MICAL3: variants seen among roughly 807,000 people sequenced by gnomAD.
The protein encoded by MICAL3 is [F-actin]-monooxygenase MICAL3.
Under a neutral mutation model 207.4 loss-of-function variants are expected in MICAL3, and 62 were observed. The ratio of observed to expected loss-of-function variants is 0.30; its 90% CI spans 0.24 to 0.37. The LOEUF is 0.37. Among genes scored for constraint, MICAL3 ranks in the 10% least tolerant of loss-of-function variants. MICAL3 has a pLI of 1.00. For missense variants in MICAL3, 2,368 were observed against 2,635.6 expected, an observed-to-expected ratio of 0.90 and a Z score of 2.22; for synonymous variants, 1,077 against 1,069.3, an observed-to-expected ratio of 1.01 and a Z score of -0.14.
chr22:17,970,432 CCA>C (rs370574886), intron 1 of MICAL3, among the ~76,000 whole-genome samples: 11 of 152,290 alleles, frequency 7.2e-5, no homozygotes, highest in African/African-American at 2.4e-4. Context: ...GCCGCAGGGC[CCA>C]CTGGTTGGAG....
chr22:17,876,796 AAGTTATG>A (rs1928467495), intron 16 of MICAL3: 5 of 120,072 alleles, frequency 4.2e-5, no homozygotes, highest in African/African-American at 1.9e-4. Context: ...GAGGTTAGGG[AAGTTATG>A]GAGGTTAGGG....
chr22:17,928,602 CG>C (rs1312490309), intron 1 of MICAL3, among the ~76,000 whole-genome samples: 1 of 152,150 alleles, frequency 6.6e-6, no homozygotes, highest in Non-Finnish European at 1.5e-5. Flanking sequence ...GCCAACTTTA[CG>C]TAATGCAGTA....
intron 1 of MICAL3, among the ~76,000 whole-genome samples, chr22:17,976,591 T>A (rs868842610): frequency 2.7e-3 from 280 of 102,038 alleles, no homozygotes; most frequent in South Asian, 9.2e-3. Flanking sequence ...ATATATATAT[T>A]TTTTTTTTTT....
At chr22:17,864,795 G>A (rs758066088) in intron 19 of MICAL3, 104 bp downstream of exon 19, 22 of 1,613,822 alleles carry the variant, frequency 1.4e-5, no homozygotes, top group East Asian at 2.2e-5. Flanking sequence ...CTTGTTGCCC[G>A]AATGAAGAAA....
chr22:18,017,633 T>G (rs937467370), intron 1 of MICAL3, among the ~76,000 whole-genome samples: 1 of 151,838 alleles, frequency 6.6e-6, no homozygotes, highest in Non-Finnish European at 1.5e-5. Context: ...TCACCTGGGC[T>G]GGAGTACAGT....
At chr22:17,915,868 G>T (rs944942293) in intron 1 of MICAL3, among the ~76,000 whole-genome samples, 29 of 151,734 alleles carry the variant, frequency 1.9e-4, no homozygotes, top group African/African-American at 6.5e-4. Context: ...GAAGCAGGAG[G>T]ATTGCTTCAG....
At chr22:18,001,366 G>A (rs1922994869) in intron 1 of MICAL3, 1 of 152,272 alleles carries the variant, frequency 6.6e-6, no homozygotes, top group South Asian at 2.1e-4. Flanking sequence ...GTTGGCGCGG[G>A]TCGGAGTCCC....
chr22:17,834,156 C>T (rs535768836), intron 20 of MICAL3, among the ~76,000 whole-genome samples: 1 of 152,186 alleles, frequency 6.6e-6, no homozygotes, highest in Non-Finnish European at 1.5e-5. Flanking sequence ...CTGTGCCACA[C>T]CAGCTCTGCT....
At chr22:17,805,972 C>T (rs749162034) in intron 29 of MICAL3, among the ~76,000 whole-genome samples, 15 of 152,200 alleles carry the variant, frequency 9.9e-5, no homozygotes, top group East Asian at 1.9e-4. Context: ...TCAGGTGATC[C>T]GCCCACCTCG....
chr22:17,893,090 G>A (rs562184574), intron 11 of MICAL3, among the ~76,000 whole-genome samples: 5 of 152,280 alleles, frequency 3.3e-5, no homozygotes, highest in Admixed American at 2.6e-4. Flanking sequence ...CTTCGAGGCC[G>A]CACAATTCAC....
rs1176657735 is a variant in MICAL3, at chr22:17,851,596, C to T, written c.2606-9579G>A. ...CACTATAATGTTGAGCATATTCTGG[C>T]CTTGGTTTCCTGATCTTAACACAGA... is the stretch of plus-strand genomic sequence containing the variant. On this transcript the variant is annotated intron_variant, in intron 19 of 31. Coordinates refer to ENST00000441493, the MANE Select transcript of MICAL3 (RefSeq NM_015241.3). Among the ~76,000 whole-genome samples, 3 of 152,308 alleles carry T rather than the reference C, an allele frequency of 2.0e-5. No homozygotes were observed. In the East Asian group the frequency reaches 5.8e-4, roughly 29 times the overall value.
In MICAL3 at chr22:17,920,738, G is replaced by A. The variant is rs569749079; in HGVS notation, c.-74-13852C>T. 5.9e-5 allele frequency among the ~76,000 whole-genome samples: 9 copies of A among 152,104 alleles called. No homozygotes were observed. In the South Asian group the frequency reaches 1.7e-3, roughly 28 times the overall value. ...CCCACCAAGGAAGTCTACCCCACAC[G>A]GAGTCAAACCCACCACCCACCAAAT... is the stretch of plus-strand genomic sequence containing the variant. On this transcript the variant is annotated intron_variant, in intron 1 of 31. Transcript: ENST00000441493.
At chr22:17,957,503 A>C (rs1934674245) in intron 1 of MICAL3, among the ~76,000 whole-genome samples, 1 of 152,178 alleles carries the variant, frequency 6.6e-6, no homozygotes. Flanking sequence ...TGAGGCCAGG[A>C]ATTCTAGACC....
At chr22:18,017,938 G>C (rs1924174500) in intron 1 of MICAL3, among the ~76,000 whole-genome samples, 1 of 152,026 alleles carries the variant, frequency 6.6e-6, no homozygotes, top group Admixed American at 6.5e-5. Flanking sequence ...TTTTAGTAGA[G>C]ATGAGGTTTC....
intron 19 of MICAL3, 153 bp from the exon 20 acceptor site, chr22:17,842,170 A>AC: frequency 1.5e-6 from 1 of 689,188 alleles, no homozygotes; most frequent in East Asian, 2.7e-5. Context: ...CCAGAGAAGG[A>AC]CCCTGGCATG....
In MICAL3 at chr22:17,904,791, A is replaced by C; in HGVS notation, c.313T>G (p.Leu105Val). The change falls in exon 3 of 32, where the codon TTA becomes GTA. Residue 105 changes from leucine (L) to valine (V), a missense_variant. Around this residue, in one of 4 missense-constraint regions of MICAL3, gnomAD observed 400 missense variants for 547.0 expected, o/e 0.73. Transcript: ENST00000441493. ...ACCACCTTGGCCCCCAGTAAGGATA[A>C]GTCGATGGCTGTACGGAGACCACAG... The part of the protein sequence containing the change: ...GPCGLRTAID[L>V]SLLGAKVVVI... 6.2e-7 allele frequency: 1 copy of C among 1,614,042 alleles called. No homozygotes were observed.
Position 17,789,882 on chromosome 22 carries a change from T to C in MICAL3, c.*850A>G, listed in dbSNP as rs1379133679. On this transcript the variant is annotated 3_prime_UTR_variant, in exon 32 of 32. Coordinates refer to ENST00000441493, the MANE Select transcript of MICAL3 (RefSeq NM_015241.3). ...CGTCTTGCCAGGTTGTCAGCTTCAT[T>C]TCAACGTGCAAACACAGGAAAAACA... The C allele has an allele frequency of 6.6e-6, 1 of 152,216 alleles. No homozygotes were observed. Among genetic ancestry groups the C allele is most frequent in the Non-Finnish European group, 1.5e-5 (1 of 68,036 alleles). The allele number at this position is 152,216 out of a possible 1,614,324, so 9.4% of individuals were successfully genotyped here.
At chr22:17,810,396 C>T (rs900450537) in intron 28 of MICAL3, among the ~76,000 whole-genome samples, 1 of 151,974 alleles carries the variant, frequency 6.6e-6, no homozygotes, top group Non-Finnish European at 1.5e-5. Context: ...CGGGGTTTTG[C>T]CATGTTGGCC....
chr22:17,952,288 C>G (rs1163804519), intron 1 of MICAL3, among the ~76,000 whole-genome samples: 1 of 152,186 alleles, frequency 6.6e-6, no homozygotes, highest in African/African-American at 2.4e-5. Context: ...CCCCATCACC[C>G]CACTCTCCTC....
Sources: gnomAD v4.1 joint callset for allele counts (sites outside exome capture counted in the v4.1 genomes callset) on GRCh38, gnomAD v4.1.1 for gene constraint, gnomAD v4.1.1 regional missense constraint, MANE v1.5 for transcripts, NCBI Gene and HGNC (gene_info 2026-07-23, HGNC 2026-07-21) for gene names.